C10orf90: variants seen among roughly 807,000 people sequenced by gnomAD.
C10orf90 encodes chromosome 10 open reading frame 90.
Under a neutral mutation model 62.5 loss-of-function variants are expected in C10orf90, and 56 were observed. The ratio of observed to expected loss-of-function variants is 0.90; its 90% CI spans 0.72 to 1.12. The LOEUF is 1.12. Among genes scored for constraint, C10orf90 ranks in the 50% most tolerant of loss-of-function variants. The probability of loss-of-function intolerance (pLI) is 0.00; values close to 1 mark genes in which losing one functional copy is unlikely to be tolerated. For synonymous variants in C10orf90, 386 were observed against 340.4 expected (o/e 1.13, Z -1.47); for missense variants, 970 against 880.4 (o/e 1.10, Z -1.29).
At chr10:126,495,092 G>A (rs1861969194) in intron 4 of C10orf90, among the ~76,000 whole-genome samples, 1 of 152,120 alleles carries the variant, frequency 6.6e-6, no homozygotes, top group African/African-American at 2.4e-5. Flanking sequence ...TGGTGCTTCT[G>A]CTAGGTTACC....
chr10:126,514,778 C>A (rs574333342), intron 2 of C10orf90, among the ~76,000 whole-genome samples: 1 of 152,132 alleles, frequency 6.6e-6, no homozygotes, highest in African/African-American at 2.4e-5. Flanking sequence ...CCGCCCTGCG[C>A]CCCCCTCTCC....
At chr10:126,578,067 A>G (rs1291090265) in intron 2 of C10orf90, among the ~76,000 whole-genome samples, 2 of 152,222 alleles carry the variant, frequency 1.3e-5, no homozygotes, top group African/African-American at 2.4e-5. Context: ...ACATCATCAC[A>G]ACTTTGTAGT....
intron 4 of C10orf90, among the ~76,000 whole-genome samples, chr10:126,476,681 T>C (rs546071423): frequency 1.3e-5 from 2 of 152,324 alleles, no homozygotes; most frequent in South Asian, 2.1e-4. Flanking sequence ...CACTCCCATT[T>C]AACGCGGACT....
intron 3 of C10orf90, among the ~76,000 whole-genome samples, chr10:126,512,322 T>G (rs571025164): frequency 1.3e-5 from 2 of 150,500 alleles, no homozygotes; most frequent in African/African-American, 4.9e-5. Flanking sequence ...TGTGTGTGTG[T>G]GTTCTATGTG....
intron 2 of C10orf90, among the ~76,000 whole-genome samples, chr10:126,539,998 G>T (rs1864336473): frequency 6.6e-6 from 1 of 152,194 alleles, no homozygotes; most frequent in African/African-American, 2.4e-5. Flanking sequence ...AAAGCAGTTA[G>T]AACTACTAGG....
intron 2 of C10orf90, among the ~76,000 whole-genome samples, chr10:126,616,911 C>A (rs1039857696): frequency 6.6e-6 from 1 of 152,144 alleles, no homozygotes; most frequent in African/African-American, 2.4e-5. Flanking sequence ...GATATGTGAC[C>A]TGCCTTCCTG....
At chr10:126,576,936 GC>G (rs914108611) in intron 2 of C10orf90, among the ~76,000 whole-genome samples, 60 of 151,326 alleles carry the variant, frequency 4.0e-4, no homozygotes, top group African/African-American at 1.1e-3. Flanking sequence ...ATGTGTGGAG[GC>G]TAAAAAAAAA....
intron 2 of C10orf90, among the ~76,000 whole-genome samples, chr10:126,565,861 G>A (rs564309351): frequency 6.6e-6 from 1 of 152,232 alleles, no homozygotes; most frequent in East Asian, 1.9e-4. Context: ...CAGATGCTGT[G>A]CTGCACATGC....
At chr10:126,621,557 A>T (rs544580455) in intron 2 of C10orf90, among the ~76,000 whole-genome samples, 2 of 152,300 alleles carry the variant, frequency 1.3e-5, no homozygotes, top group African/African-American at 2.4e-5. Context: ...ATTCTTCCCC[A>T]TATATTCCCA....
At chr10:126,481,637 C>G (rs1861164946) in intron 4 of C10orf90, among the ~76,000 whole-genome samples, 1 of 152,160 alleles carries the variant, frequency 6.6e-6, no homozygotes, top group Admixed American at 6.5e-5. Context: ...GCTGGGCCAC[C>G]ATGTTGGCAG....
chr10:126,444,585 G>A (rs1360442107), intron 7 of C10orf90, among the ~76,000 whole-genome samples: 5 of 152,182 alleles, frequency 3.3e-5, no homozygotes, highest in African/African-American at 9.6e-5. Context: ...TTGTGAAAAT[G>A]ACCACACTGC....
intron 2 of C10orf90, among the ~76,000 whole-genome samples, chr10:126,607,717 G>A (rs1333251138): frequency 6.6e-6 from 1 of 152,090 alleles, no homozygotes; most frequent in Non-Finnish European, 1.5e-5. Context: ...AATAACCAGT[G>A]CAGGATGTTA....
intron 6 of C10orf90, among the ~76,000 whole-genome samples, 164 bp from the exon 7 acceptor site, chr10:126,459,381 A>G (rs746924147): frequency 6.6e-5 from 10 of 152,252 alleles, no homozygotes; most frequent in Non-Finnish European, 1.0e-4. Flanking sequence ...TTGTGTAAAG[A>G]AGGTAACAGG....
chr10:126,657,815 C>T (rs941479450), intron 1 of C10orf90, among the ~76,000 whole-genome samples: 6 of 152,008 alleles, frequency 3.9e-5, no homozygotes, highest in Non-Finnish European at 8.8e-5. Context: ...AGGGTTTCTC[C>T]ATGTTGATCA....
intron 2 of C10orf90, among the ~76,000 whole-genome samples, chr10:126,637,163 G>A (rs753427765): frequency 2.6e-5 from 4 of 152,200 alleles, no homozygotes; most frequent in Non-Finnish European, 4.4e-5. Context: ...AACACCAGGA[G>A]GAGACAGACT....
chr10:126,649,397 T>G (rs949953513), intron 1 of C10orf90, among the ~76,000 whole-genome samples: 7 of 152,030 alleles, frequency 4.6e-5, no homozygotes, highest in Non-Finnish European at 1.0e-4. Context: ...CCCCTGCTCA[T>G]CTCTGTGGCA....
chr10:126,526,180 A>G (rs1863938887), intron 2 of C10orf90, among the ~76,000 whole-genome samples: 1 of 151,804 alleles, frequency 6.6e-6, no homozygotes. Flanking sequence ...ACTTTTAGTT[A>G]CATTCTCTTC....
At chr10:126,660,883 G>T (rs1050443197) in intron 1 of C10orf90, among the ~76,000 whole-genome samples, 4 of 152,132 alleles carry the variant, frequency 2.6e-5, no homozygotes, top group African/African-American at 9.7e-5. Context: ...TTTGTGCATG[G>T]TGATCATTTC....
intron 2 of C10orf90, among the ~76,000 whole-genome samples, chr10:126,579,652 A>C (rs1362143197): frequency 6.6e-6 from 1 of 152,214 alleles, no homozygotes; most frequent in Non-Finnish European, 1.5e-5. Context: ...TGGCTAGAGA[A>C]AAGACAAAAA....
Sources: gnomAD v4.1 joint callset for allele counts (sites outside exome capture counted in the v4.1 genomes callset) on GRCh38, gnomAD v4.1.1 for gene constraint, MANE v1.5 for transcripts, NCBI Gene and HGNC (gene_info 2026-07-23, HGNC 2026-07-21) for gene names.